The following SLIT3 variants were observed in gnomAD, a reference collection of about 807,000 sequenced individuals.
SLIT3 encodes slit homolog 3 protein.
A neutral mutation model predicts 184.0 loss-of-function variants in SLIT3; 68 were observed. The ratio of observed to expected loss-of-function variants is 0.37; its 90% CI spans 0.30 to 0.45. SLIT3 has a LOEUF of 0.45. SLIT3 is among the 20% of genes least tolerant of loss of function. SLIT3 has a pLI of 1.00. For missense variants in SLIT3, 1,707 were observed against 2,026.0 expected (o/e 0.84, Z 3.02); for synonymous variants, 831 against 828.6 (o/e 1.00, Z -0.05).
At chr5:169,179,951 A>G (rs974619869) in intron 4 of SLIT3, among the ~76,000 whole-genome samples, 1 of 152,192 alleles carries the variant, frequency 6.6e-6, no homozygotes, top group African/African-American at 2.4e-5. Context: ...GCATTCAAGA[A>G]GCTTACAATC....
At position 169,068,230 on chromosome 5, in the gene SLIT3, G is replaced by A. The variant is rs566704529; in HGVS notation, c.413+125249C>T. Among the ~76,000 whole-genome samples the A allele has an allele frequency of 2.6e-3, 393 of 152,054 alleles. 6 individuals carry two copies. The highest frequency in any genetic ancestry group is 3.5e-3 in the Non-Finnish European group (236 of 67,994). ...GACAGATGAGGGAAGAAAAAAGAGA[G>A]GAAGAGAAAGAAAAAAATGTTAATA... On this transcript the variant is annotated intron_variant, in intron 4 of 35. Transcript: ENST00000519560.
At chr5:168,952,570 T>TAA (rs745412127) in intron 4 of SLIT3, among the ~76,000 whole-genome samples, 5 of 120,234 alleles carry the variant, frequency 4.2e-5, no homozygotes, top group African/African-American at 2.0e-4. Flanking sequence ...GCAAAGGGAT[T>TAA]TAAAAAAAAA....
intron 4 of SLIT3, among the ~76,000 whole-genome samples, chr5:169,079,718 AGAG>A (rs1263122758): frequency 8.0e-4 from 35 of 43,846 alleles, no homozygotes; most frequent in Admixed American, 1.0e-3. Flanking sequence ...GGAGGAGGGA[AGAG>A]GAGGAGGAGG....
At chr5:169,018,900 C>A (rs1756494806) in intron 4 of SLIT3, among the ~76,000 whole-genome samples, 1 of 152,176 alleles carries the variant, frequency 6.6e-6, no homozygotes, top group South Asian at 2.1e-4. Flanking sequence ...TCCCTAGGAA[C>A]TCCTGCAGTG....
intron 35 of SLIT3, chr5:168,666,914 T>C (rs531397942): frequency 4.3e-6 from 3 of 696,146 alleles, no homozygotes; most frequent in African/African-American, 3.5e-5. Flanking sequence ...CGTGAGGATA[T>C]AATGATGACA....
rs1445753271 is a variant in SLIT3 at position 168,837,201 on chromosome 5, A to C, written c.557+7383T>G. Among the ~76,000 whole-genome samples the C allele has an allele frequency of 2.6e-5, 4 of 152,216 alleles. 1 individual carries two copies. The highest frequency in any genetic ancestry group is 2.9e-5 in the Non-Finnish European group (2 of 68,052). ...CAATTTTAATCCTGATTGCATGAAC[A>C]TATCACAATTTACAGCACAGTACCA... On this transcript the variant is annotated intron_variant, in intron 6 of 35. Transcript: ENST00000519560.
intron 4 of SLIT3, among the ~76,000 whole-genome samples, chr5:169,104,235 G>C (rs942722846): frequency 2.0e-5 from 3 of 152,176 alleles, no homozygotes; most frequent in African/African-American, 7.2e-5. Flanking sequence ...CCGGGAAGCA[G>C]CCAGCATCCG....
intron 31 of SLIT3, among the ~76,000 whole-genome samples, chr5:168,685,288 T>C (rs975274230): frequency 1.3e-5 from 2 of 152,202 alleles, no homozygotes; most frequent in African/African-American, 4.8e-5. Flanking sequence ...TTCTAAAGTA[T>C]TGCCAAGGTT....
intron 26 of SLIT3, among the ~76,000 whole-genome samples, chr5:168,704,348 G>A (rs980587780): frequency 6.6e-6 from 1 of 152,184 alleles, no homozygotes; most frequent in Non-Finnish European, 1.5e-5. Context: ...TGGCACTGAG[G>A]TAGGCAAAGT....
chr5:168,930,968 C>A (rs1026509516), intron 4 of SLIT3, among the ~76,000 whole-genome samples: 8 of 152,190 alleles, frequency 5.3e-5, no homozygotes, highest in Admixed American at 2.6e-4. Flanking sequence ...CCACAGAGAG[C>A]CTGCAAAGCC....
chr5:169,024,477 C>T (rs1463028309), intron 4 of SLIT3: 1 of 152,190 alleles, frequency 6.6e-6, no homozygotes, highest in Non-Finnish European at 1.5e-5. Context: ...GGTGCAGGTA[C>T]ATTTTTCCTG....
chr5:168,762,159 C>T (rs1034772108), intron 15 of SLIT3, among the ~76,000 whole-genome samples: 7 of 151,932 alleles, frequency 4.6e-5, no homozygotes, highest in African/African-American at 1.2e-4. Flanking sequence ...TATATTTAAT[C>T]ATTCTAGTTG....
chr5:169,091,976 C>A (rs62379533), intron 4 of SLIT3, among the ~76,000 whole-genome samples: 5,745 of 152,228 alleles, frequency 0.038, 152 homozygotes, highest in Middle Eastern at 0.099. Context: ...AATCCCAGCA[C>A]TTTGGGAGGC....
At chr5:168,726,368 C>A (rs201207277) in intron 20 of SLIT3, among the ~76,000 whole-genome samples, 7 of 40,262 alleles carry the variant, frequency 1.7e-4, no homozygotes, top group Admixed American at 5.9e-4. Context: ...GAGAGGGAGG[C>A]AGGGAGGGAG....
At chr5:169,128,003 T>C (rs972535915) in intron 4 of SLIT3, among the ~76,000 whole-genome samples, 2 of 152,036 alleles carry the variant, frequency 1.3e-5, no homozygotes, top group African/African-American at 4.8e-5. Flanking sequence ...TCTCAAGGCA[T>C]TAAAAACTTA....
At chr5:168,923,769 G>C (rs1168242865) in intron 4 of SLIT3, among the ~76,000 whole-genome samples, 1 of 152,146 alleles carries the variant, frequency 6.6e-6, no homozygotes, top group East Asian at 1.9e-4. Flanking sequence ...ACCCAACTTA[G>C]CCTCTCAAAG....
At chr5:169,055,071 G>T (rs1219978755) in intron 4 of SLIT3, among the ~76,000 whole-genome samples, 1 of 152,126 alleles carries the variant, frequency 6.6e-6, no homozygotes, top group African/African-American at 2.4e-5. Context: ...AAAAACAAAT[G>T]ATTGGATCAC....
At chr5:168,737,434 C>T (rs1289632626) in intron 20 of SLIT3, among the ~76,000 whole-genome samples, 1 of 152,144 alleles carries the variant, frequency 6.6e-6, no homozygotes, top group Non-Finnish European at 1.5e-5. Context: ...CCATCCTTTT[C>T]CTGTCTCCTG....
chr5:169,115,900 C>A (rs990393179), intron 4 of SLIT3, among the ~76,000 whole-genome samples: 1 of 152,188 alleles, frequency 6.6e-6, no homozygotes, highest in South Asian at 2.1e-4. Context: ...AAGGGCCACC[C>A]AGCATATCAG....
Sources: allele counts gnomAD v4.1 joint callset (sites outside exome capture counted in the v4.1 genomes callset), GRCh38; gene constraint gnomAD v4.1.1; transcripts MANE v1.5; gene names NCBI Gene and HGNC (gene_info 2026-07-23, HGNC 2026-07-21).